Variants in LRGUK observed in about 807,000 individuals in gnomAD.
LRGUK encodes leucine-rich repeat and guanylate kinase domain-containing protein.
LRGUK carries 65 observed loss-of-function variants against 76.0 expected under a neutral mutation model. The ratio of observed to expected loss-of-function variants is 0.85; its 90% CI spans 0.70 to 1.05. The LOEUF (loss-of-function observed/expected upper bound fraction) is 1.05, where lower values mean the gene tolerates loss of function less well. Among genes scored for constraint, LRGUK ranks in the 50% least tolerant of loss-of-function variants. LRGUK has a pLI of 0.00. For synonymous variants in LRGUK, 268 were observed against 265.6 expected (o/e 1.01, Z -0.09); for missense variants, 758 against 732.8 (o/e 1.03, Z -0.40).
chr7:134,216,422 T>C lies in LRGUK; in HGVS notation c.1844-5357T>C, dbSNP rs555818747. ...GGAAAGAAATTGCAGTTGAGCAAAA[T>C]ATTACAAAAATCAAGAGGTTCTTCT... On this transcript the variant is annotated intron_variant, in intron 15 of 19. Coordinates refer to the LRGUK transcript ENST00000285928. 5.9e-5 allele frequency among the ~76,000 whole-genome samples: 9 copies of C among 152,244 alleles called. No homozygotes were observed. In the South Asian group the frequency reaches 1.7e-3, roughly 28 times the overall value.
exon 16 of LRGUK, chr7:134,210,102 A>G: frequency 2.5e-6 from 1 of 399,378 alleles, no homozygotes; most frequent in Non-Finnish European, 4.4e-6. Flanking sequence ...CTCCCCAACC[A>G]GAAAGGGACG....
At chr7:134,225,381 G>A (rs1050123604) in intron 16 of LRGUK, among the ~76,000 whole-genome samples, 2 of 152,140 alleles carry the variant, frequency 1.3e-5, no homozygotes, top group Non-Finnish European at 2.9e-5. Flanking sequence ...CCCTCCCTGA[G>A]AAACTGAGCA....
downstream of LRGUK, among the ~76,000 whole-genome samples, chr7:134,266,721 A>G (rs1443362326): frequency 6.6e-6 from 1 of 152,170 alleles, no homozygotes; most frequent in Non-Finnish European, 1.5e-5. Context: ...AGAGTGTGAG[A>G]CTGAAAAATA....
intron 7 of LRGUK, among the ~76,000 whole-genome samples, chr7:134,170,626 GTA>G (rs1173042895): frequency 6.6e-6 from 1 of 152,048 alleles, no homozygotes; most frequent in African/African-American, 2.4e-5. Flanking sequence ...TTGTATGCTT[GTA>G]TCAAAATATC....
At chr7:134,201,283 CT>C (rs1186108015) in intron 14 of LRGUK, among the ~76,000 whole-genome samples, 197 bp from the exon 15 acceptor site, 1 of 152,142 alleles carries the variant, frequency 6.6e-6, no homozygotes, top group Non-Finnish European at 1.5e-5. Context: ...ATCTCATTGC[CT>C]TCACAGGTTC....
chr7:134,156,488 A>G (rs1283422531), intron 5 of LRGUK, among the ~76,000 whole-genome samples: 1 of 152,194 alleles, frequency 6.6e-6, no homozygotes, highest in East Asian at 1.9e-4. Context: ...AATAAGAAAA[A>G]AGTGGGATTT....
chr7:134,258,156 T>G, intron 18 of LRGUK, 101 bp from the exon 19 acceptor site: 1 of 1,432,096 alleles, frequency 7.0e-7, no homozygotes, highest in East Asian at 2.3e-5. Flanking sequence ...TACTGTGAAC[T>G]TGATAAAGGT....
intron 16 of LRGUK, among the ~76,000 whole-genome samples, chr7:134,240,696 C>T (rs1802127355): frequency 6.6e-6 from 1 of 152,118 alleles, no homozygotes; most frequent in South Asian, 2.1e-4. Flanking sequence ...TCAGGAAATA[C>T]AGAGAATGCC....
chr7:134,191,599 T>C, intron 11 of LRGUK, 56 bp from the exon 12 acceptor site: 12 of 1,138,472 alleles, frequency 1.1e-5, no homozygotes, highest in Non-Finnish European at 1.6e-5. Flanking sequence ...TTGAAACCTT[T>C]TCCATTTTGA....
chr7:134,193,403 A>C (rs1328854436), intron 12 of LRGUK, among the ~76,000 whole-genome samples: 1 of 152,120 alleles, frequency 6.6e-6, no homozygotes, highest in Non-Finnish European at 1.5e-5. Context: ...TTTTTTTCTC[A>C]CGTCAGTTCA....
chr7:134,202,871 A>C (rs980941846), intron 15 of LRGUK, among the ~76,000 whole-genome samples: 1 of 152,204 alleles, frequency 6.6e-6, no homozygotes, highest in Admixed American at 6.5e-5. Context: ...ACGGTGGCAC[A>C]GTGTGAATAT....
intron 10 of LRGUK, among the ~76,000 whole-genome samples, chr7:134,178,889 T>A (rs1470818512): frequency 8.1e-6 from 1 of 123,442 alleles, no homozygotes; most frequent in East Asian, 2.7e-4. Context: ...TGGCCACTTG[T>A]ATGGTGGCCA....
intron 7 of LRGUK, among the ~76,000 whole-genome samples, chr7:134,174,106 G>A (rs112993300): frequency 2.3e-5 from 3 of 131,136 alleles, no homozygotes; most frequent in East Asian, 2.2e-4. Context: ...AGACTCCATC[G>A]CAAAAAAAAA....
intron 16 of LRGUK, among the ~76,000 whole-genome samples, chr7:134,244,042 A>G (rs546380594): frequency 4.4e-4 from 67 of 152,368 alleles, no homozygotes; most frequent in Non-Finnish European, 7.1e-4. Flanking sequence ...ACCTTATACA[A>G]AAATTAATTC....
intron 6 of LRGUK, among the ~76,000 whole-genome samples, chr7:134,161,372 A>G (rs1798724299): frequency 6.6e-6 from 1 of 152,082 alleles, no homozygotes; most frequent in Admixed American, 6.5e-5. Flanking sequence ...AACTCTGGAC[A>G]GAAGGAAATT....
At chr7:134,203,439 C>A (rs1475438184) in intron 15 of LRGUK, among the ~76,000 whole-genome samples, 2 of 152,138 alleles carry the variant, frequency 1.3e-5, no homozygotes, top group Non-Finnish European at 1.5e-5. Context: ...TGAGGCAGGG[C>A]AGGTCATGAT....
At chr7:134,158,333 T>TGA (rs376106200) in intron 6 of LRGUK, among the ~76,000 whole-genome samples, 174 bp downstream of exon 6, 8 of 151,528 alleles carry the variant, frequency 5.3e-5, no homozygotes, top group Non-Finnish European at 8.8e-5. Flanking sequence ...TGTGTGGTTG[T>TGA]GAGAGAGAGA....
At chr7:134,174,476 A>G (rs1443942045) in intron 7 of LRGUK, 80 bp from the exon 8 acceptor site, 9 of 866,664 alleles carry the variant, frequency 1.0e-5, no homozygotes, top group Non-Finnish European at 1.7e-5. Flanking sequence ...TAAAGGACCC[A>G]AACTGGCTTC....
At chr7:134,201,604 ATT>A (rs369598961) in intron 15 of LRGUK, 28 bp downstream of exon 15, 1,889 of 1,252,022 alleles carry the variant, frequency 1.5e-3, no homozygotes, top group South Asian at 2.2e-3. Flanking sequence ...TTGTGCCAGG[ATT>A]TTTTTTTTTT....
Sources: gnomAD v4.1 joint callset for allele counts (sites outside exome capture counted in the v4.1 genomes callset) on GRCh38, gnomAD v4.1.1 for gene constraint, MANE v1.5 for transcripts, NCBI Gene and HGNC (gene_info 2026-07-23, HGNC 2026-07-21) for gene names.